XKR4: variants seen among roughly 807,000 people sequenced by gnomAD.
The protein encoded by XKR4 is XK-related protein 4.
In XKR4, 12 loss-of-function variants were observed where a neutral mutation model predicts 53.9. The observed-to-expected ratio is 0.22, with a 90% confidence interval of 0.14 to 0.36. The LOEUF (loss-of-function observed/expected upper bound fraction) is 0.36, where lower values mean the gene tolerates loss of function less well. Ranked by LOEUF, XKR4 falls within the 10% of genes least tolerant of loss-of-function variation. The pLI, the probability that XKR4 is intolerant of heterozygous loss-of-function variation, is 1.00. For synonymous variants in XKR4, 354 were observed against 362.4 expected, an observed-to-expected ratio of 0.98 and a Z score of 0.26; for missense variants, 799 against 859.5, an observed-to-expected ratio of 0.93 and a Z score of 0.88.
intron 1 of XKR4, among the ~76,000 whole-genome samples, chr8:55,259,605 G>A (rs1818489441): frequency 5.3e-5 from 8 of 152,108 alleles, no homozygotes. Flanking sequence ...GGCTTGATGT[G>A]CGTGAGGGTG....
chr8:55,164,235 T>A (rs1038078984), intron 1 of XKR4: 70 of 456,436 alleles, frequency 1.5e-4, no homozygotes, highest in African/African-American at 1.2e-3. Flanking sequence ...TCTGTCGGCA[T>A]TGAGACCCAT....
intron 2 of XKR4, among the ~76,000 whole-genome samples, chr8:55,474,730 G>T (rs1373659579): frequency 6.6e-6 from 1 of 152,112 alleles, no homozygotes; most frequent in African/African-American, 2.4e-5. Context: ...TGCTAATGAG[G>T]CTCTGCCAAA....
At chr8:55,452,564 C>A in intron 2 of XKR4, 1 of 772,394 alleles carries the variant, frequency 1.3e-6, no homozygotes, top group South Asian at 1.5e-5. Context: ...TGGGCATCAG[C>A]CTCCGGTTCT....
chr8:55,162,161 A>G (rs9643835), intron 1 of XKR4, among the ~76,000 whole-genome samples: 4,611 of 152,196 alleles, frequency 0.03, 179 homozygotes, highest in East Asian at 0.12. Context: ...CTCCTGGAGA[A>G]CCTTGTTCAT....
rs557227996 is a variant in XKR4 at position 55,211,385 on chromosome 8, C to A, written c.806+108091C>A. Reference sequence around the variant, plus strand: ...TTGGAGATTAAGTCAAGCACTTTGTCAAAATGACCATTGCACACATCAAGA... The same window carrying A: ...TTGGAGATTAAGTCAAGCACTTTGTAAAAATGACCATTGCACACATCAAGA... On this transcript the variant is annotated intron_variant, in intron 1 of 2. Coordinates refer to ENST00000327381, the MANE Select transcript of XKR4 (RefSeq NM_052898.2). 2.0e-5 allele frequency among the ~76,000 whole-genome samples: 3 copies of A among 152,312 alleles called. No homozygotes were observed. The East Asian group carries it at 5.8e-4, about 29-fold the overall frequency.
intron 1 of XKR4, among the ~76,000 whole-genome samples, chr8:55,251,825 T>C (rs927848272): frequency 1.9e-4 from 29 of 152,380 alleles, no homozygotes; most frequent in African/African-American, 7.0e-4. Flanking sequence ...AGTGAAACAC[T>C]ATGCCAACAT....
chr8:55,215,226 A>G (rs943067974), intron 1 of XKR4, among the ~76,000 whole-genome samples: 1 of 152,234 alleles, frequency 6.6e-6, no homozygotes, highest in Non-Finnish European at 1.5e-5. Flanking sequence ...CTTACTACTG[A>G]GGTCATAACT....
chr8:55,255,253 G>A (rs12679762), intron 1 of XKR4, among the ~76,000 whole-genome samples: 119,480 of 152,088 alleles, frequency 0.79, 49,189 homozygotes, highest in Non-Finnish European at 0.92. Flanking sequence ...TAGCGGTGTG[G>A]CCTTAGATAA....
chr8:55,457,694 G>A (rs927215731), intron 2 of XKR4, among the ~76,000 whole-genome samples: 8 of 152,156 alleles, frequency 5.3e-5, no homozygotes, highest in Non-Finnish European at 1.2e-4. Flanking sequence ...CACTGGAAGT[G>A]ATAAAATGTA....
intron 2 of XKR4, among the ~76,000 whole-genome samples, chr8:55,519,110 G>A (rs1337152224): frequency 3.9e-5 from 6 of 152,164 alleles, no homozygotes; most frequent in Non-Finnish European, 8.8e-5. Context: ...AGGAGAGAGG[G>A]AAGATAACCT....
At chr8:55,431,680 A>C (rs902021179) in intron 2 of XKR4, among the ~76,000 whole-genome samples, 1 of 152,242 alleles carries the variant, frequency 6.6e-6, no homozygotes, top group Non-Finnish European at 1.5e-5. Flanking sequence ...CTATCACTAC[A>C]TGCAGTCATC....
Position 55,487,585 on chromosome 8 carries a change from G to C in XKR4, c.1007-35696G>C, listed in dbSNP as rs558776702. 5.3e-5 allele frequency among the ~76,000 whole-genome samples: 8 copies of C among 151,888 alleles called. No homozygotes were observed. The East Asian group carries it at 1.5e-3, about 29-fold the overall frequency. On this transcript the variant is annotated intron_variant, in intron 2 of 2. Coordinates refer to ENST00000327381, the MANE Select transcript of XKR4 (RefSeq NM_052898.2). Reference sequence around the variant, plus strand: ...AGGGTCAAGCGATTCTCATGCCTCAGCTTCCCGAGTAAGTGGGATTACAGG... The same window carrying C: ...AGGGTCAAGCGATTCTCATGCCTCACCTTCCCGAGTAAGTGGGATTACAGG...
chr8:55,453,177 A>C (rs1391592214), intron 2 of XKR4: 1 of 502,988 alleles, frequency 2.0e-6, no homozygotes, highest in African/African-American at 1.9e-5. Flanking sequence ...GCTCCTGCAC[A>C]GAGCTGTAAG....
chr8:55,419,340 A>G (rs951088537), intron 2 of XKR4, among the ~76,000 whole-genome samples: 11 of 152,168 alleles, frequency 7.2e-5, no homozygotes, highest in African/African-American at 2.7e-4. Flanking sequence ...AGCCAAGATC[A>G]CACCATTGCA....
chr8:55,277,166 T>C (rs1378857727), intron 1 of XKR4, among the ~76,000 whole-genome samples: 1 of 152,180 alleles, frequency 6.6e-6, no homozygotes, highest in Non-Finnish European at 1.5e-5. Flanking sequence ...CTGAGGTCAA[T>C]ATGAACTATG....
chr8:55,230,381 A>ATTT (rs1818018584), intron 1 of XKR4, among the ~76,000 whole-genome samples: 3 of 28,262 alleles, frequency 1.1e-4, no homozygotes, highest in Admixed American at 3.5e-4. Context: ...TTTTTTTTTG[A>ATTT]GACAGGGTTT....
intron 1 of XKR4, among the ~76,000 whole-genome samples, chr8:55,218,641 G>T (rs1344470092): frequency 1.3e-5 from 2 of 152,108 alleles, no homozygotes; most frequent in African/African-American, 4.8e-5. Context: ...CAATGTGTAT[G>T]GGCCCATAGG....
rs961633562 is a variant in XKR4 at position 55,186,068 on chromosome 8, A to G, written c.806+82774A>G. On this transcript the variant is annotated intron_variant, in intron 1 of 2. Transcript: ENST00000327381. ...CTAAGGTTTTAGACATTCAAAGTCT[A>G]AAACAGTGTGGTACAGGCAAGCTGC... 3.9e-5 allele frequency among the ~76,000 whole-genome samples: 6 copies of G among 152,190 alleles called. No individual in the cohort carries two copies. In the East Asian group the frequency reaches 7.7e-4, roughly 20 times the overall value.
chr8:55,142,291 G>T (rs1003539204), intron 1 of XKR4: 6 of 426,710 alleles, frequency 1.4e-5, no homozygotes, highest in African/African-American at 1.2e-4. Context: ...TAAGGAAAGG[G>T]TATAGTACAC....
Sources: gnomAD v4.1 joint callset for allele counts (sites outside exome capture counted in the v4.1 genomes callset) on GRCh38, gnomAD v4.1.1 for gene constraint, MANE v1.5 for transcripts, NCBI Gene and HGNC (gene_info 2026-07-23, HGNC 2026-07-21) for gene names.